The following ZDHHC23 variants were observed in gnomAD, a reference collection of about 807,000 sequenced individuals.
ZDHHC23 encodes the protein palmitoyltransferase ZDHHC23.
Under a neutral mutation model 40.2 loss-of-function variants are expected in ZDHHC23, and 41 were observed. The ratio of observed to expected loss-of-function variants is 1.02; its 90% CI spans 0.79 to 1.32. ZDHHC23 has a LOEUF of 1.32. ZDHHC23 is among the 40% of genes most tolerant of loss of function. The probability of loss-of-function intolerance (pLI) is 0.00; values close to 1 mark genes in which losing one functional copy is unlikely to be tolerated. For missense variants in ZDHHC23, 471 were observed against 541.5 expected (o/e 0.87, Z 1.29); for synonymous variants, 204 against 210.2 (o/e 0.97, Z 0.26).
intron 4 of ZDHHC23, among the ~76,000 whole-genome samples, 176 bp from the exon 5 acceptor site, chr3:113,958,187 C>T (rs982791752): frequency 6.6e-6 from 1 of 152,182 alleles, no homozygotes; most frequent in Non-Finnish European, 1.5e-5. Flanking sequence ...AATAAACACA[C>T]ACATTCTCCT....
rs1206132602 is a variant in ZDHHC23 at position 113,948,954 on chromosome 3, G to A, written c.152G>A (p.Gly51Glu). ...TGTGATTGTCAAGATCTGGATGAAG[G>A]GTGTGATCGGTAAGAACAGAGCATT... ...CLCDCQDLDEGCDRWITCKSL... is the reference protein window; with the variant it reads ...CLCDCQDLDEECDRWITCKSL... The change falls in exon 2 of 5, where the codon GGG (glycine) becomes GAG (glutamate). Residue 51 changes from glycine to glutamate, a missense_variant. By Grantham distance (98) the Gly-to-Glu change is moderately conservative. Transcript: ENST00000638807. The A allele has an allele frequency of 1.2e-6, 2 of 1,614,136 alleles. No individual in the cohort carries two copies. The highest frequency in any genetic ancestry group is 1.7e-6 in the Non-Finnish European group (2 of 1,180,022).
In ZDHHC23 at chr3:113,955,359, C is replaced by CGTGTGT. The variant is rs68123933; in HGVS notation, c.873-952_873-947dup. On this transcript the variant is annotated intron_variant, in intron 3 of 4. Coordinates refer to ENST00000638807, the MANE Select transcript of ZDHHC23 (RefSeq NM_001320466.2). ...TTCTACTTCTGTGTCTTCACTTATT[C>CGTGTGT]GTGTGTGTGTGTGTGTGTGTGTGTG... Among the ~76,000 whole-genome samples the CGTGTGT allele has an allele frequency of 2.8e-3, 412 of 147,504 alleles. 1 individual carries two copies. The highest frequency in any genetic ancestry group is 5.2e-3 in the Non-Finnish European group (345 of 66,562).
At position 113,954,503 on chromosome 3, in the gene ZDHHC23, C is replaced by G. The variant is rs866964298; in HGVS notation, c.872+93C>G. ...TCCCTTGTGCTATCCCAAAATTTCTCTCCTTCCCAGCTTTACACCTTGTAG... is the reference window on the plus strand; with the variant it reads ...TCCCTTGTGCTATCCCAAAATTTCTGTCCTTCCCAGCTTTACACCTTGTAG... On this transcript the variant is annotated intron_variant, in intron 3 of 4. Transcript: ENST00000638807. 9.9e-6 allele frequency: 12 copies of G among 1,214,442 alleles called. No individual in the cohort carries two copies. In the African/African-American group the frequency reaches 1.8e-4, roughly 19 times the overall value. 75.2% of individuals were successfully genotyped at this position (1,214,442 alleles called of 1,614,324 possible). A position where few individuals can be genotyped will look rare whatever the true frequency, so the allele number is the denominator to read the frequency against.
downstream of ZDHHC23, among the ~76,000 whole-genome samples, chr3:113,963,949 A>T (rs79232379): frequency 3.4e-3 from 388 of 114,750 alleles, 1 homozygote; most frequent in African/African-American, 0.013. Flanking sequence ...TTTTTTTTTT[A>T]AATGACAACT....
chr3:113,970,836 C>A, the ZDHHC23 span, among the ~76,000 whole-genome samples: 16 of 151,846 alleles, frequency 1.1e-4, no homozygotes, highest in African/African-American at 3.4e-4. Flanking sequence ...TTTGTCCTTG[C>A]GATAGTTTGC....
chr3:113,970,251 G>A (rs1197154474), downstream of ZDHHC23, among the ~76,000 whole-genome samples: 2 of 151,994 alleles, frequency 1.3e-5, no homozygotes, highest in Non-Finnish European at 2.9e-5. Flanking sequence ...GTTTTTTTTG[G>A]TGGAGTCTTT....
chr3:113,965,681 C>G (rs1211133899), downstream of ZDHHC23, among the ~76,000 whole-genome samples: 1 of 152,164 alleles, frequency 6.6e-6, no homozygotes, highest in Non-Finnish European at 1.5e-5. Flanking sequence ...CCTCTGCCTC[C>G]TGGGTTCAAA....
In ZDHHC23 at chr3:113,958,776, T is replaced by G. The variant is rs747672571; in HGVS notation, c.*146T>G. The G allele has an allele frequency of 6.5e-7, 1 of 1,546,500 alleles. No individual in the cohort carries two copies. On this transcript the variant is annotated 3_prime_UTR_variant, in exon 5 of 5. Coordinates refer to ENST00000638807, the MANE Select transcript of ZDHHC23 (RefSeq NM_001320466.2). ...GTTTAGAGACTGGAGTGGGAAGAAGTTAATTTTTCTGACGCCACAACTTAA... is the reference window on the plus strand; with the variant it reads ...GTTTAGAGACTGGAGTGGGAAGAAGGTAATTTTTCTGACGCCACAACTTAA...
intron 4 of ZDHHC23, chr3:113,957,635 T>C: frequency 4.4e-6 from 2 of 459,486 alleles, no homozygotes; most frequent in Non-Finnish European, 8.7e-6. Context: ...TTGGATTTAA[T>C]AGTCTTTGAG....
rs1198329420 is a variant in ZDHHC23 at position 113,960,197 on chromosome 3, GCAGCCAGCACCGTC to G, written c.*1569_*1582del. On this transcript the variant is annotated 3_prime_UTR_variant, in exon 5 of 5. Transcript: ENST00000638807. ...GCTACTTCCTGCACTTCCACCCTCT[GCAGCCAGCACCGTC>G]CCTACTGTTGCCATTAATTGGAGCT... 8.1e-6 allele frequency: 8 copies of G among 991,228 alleles called. No homozygotes were observed. In the African/African-American group the frequency reaches 1.2e-4, roughly 15 times the overall value. 61.4% of individuals were successfully genotyped at this position (991,228 alleles called of 1,614,324 possible). A position where few individuals can be genotyped will look rare whatever the true frequency, so the allele number is the denominator to read the frequency against.
Position 113,953,943 on chromosome 3 carries a change from A to G in ZDHHC23, c.405A>G (p.Lys135=). 6.2e-7 allele frequency: 1 copy of G among 1,614,176 alleles called. No individual in the cohort carries two copies. Among genetic ancestry groups the G allele is most frequent in the Non-Finnish European group, 8.5e-7 (1 of 1,180,048 alleles). ...ACTACTACCTCACTCACAGAAGGAA[A>G]GAACAGACCCTGTTTTTCCTGAGCC... ...LWYYYLTHRR[K]EQTLFFLSLG... Residue 135 remains lysine, a synonymous_variant, in exon 3 of 5, where the codon AAA becomes AAG. Transcript: ENST00000638807.
Position 113,960,996 on chromosome 3 carries a change from C to G in ZDHHC23, c.*2366C>G. The G allele has an allele frequency of 2.3e-6, 1 of 427,754 alleles. No homozygotes were observed. The highest frequency in any genetic ancestry group is 6.6e-5 in the South Asian group (1 of 15,092). 26.5% of individuals were successfully genotyped at this position (427,754 alleles called of 1,614,324 possible). ...TCTTTGGTTTATAGGATTTTGGAGCCTTTTATGATCTGGAACTATTTGAGG... is the reference window on the plus strand; with the variant it reads ...TCTTTGGTTTATAGGATTTTGGAGCGTTTTATGATCTGGAACTATTTGAGG... On this transcript the variant is annotated 3_prime_UTR_variant, in exon 5 of 5. Transcript: ENST00000638807.
In ZDHHC23 at chr3:113,960,846, A is replaced by G; in HGVS notation, c.*2216A>G. The G allele has an allele frequency of 6.9e-7, 1 of 1,459,180 alleles. No individual in the cohort carries two copies. Among genetic ancestry groups the G allele is most frequent in the Middle Eastern group, 1.8e-4 (1 of 5,474 alleles). The allele number at this position is 1,459,180 out of a possible 1,614,324, so 90.4% of individuals were successfully genotyped here. ...TGAGAACCCATGATGGACAGTTGAC[A>G]GAATGCTTAAACCTGTCAAAAGATG... On this transcript the variant is annotated 3_prime_UTR_variant, in exon 5 of 5. Transcript: ENST00000638807.
chr3:113,973,810 C>T, the ZDHHC23 span, among the ~76,000 whole-genome samples: 26 of 151,878 alleles, frequency 1.7e-4, no homozygotes, highest in Non-Finnish European at 2.8e-4. Flanking sequence ...CTTTCCTATA[C>T]GTGGATATGT....
the ZDHHC23 span, among the ~76,000 whole-genome samples, chr3:113,976,588 T>C: frequency 6.7e-6 from 1 of 148,688 alleles, no homozygotes; most frequent in Non-Finnish European, 1.5e-5. Flanking sequence ...AAAGAAAACA[T>C]AGGCAGGCAA....
rs111958107 is a variant in ZDHHC23, at chr3:113,959,870, C to T, written c.*1240C>T. 1,355 of 996,360 alleles carry T rather than the reference C, an allele frequency of 1.4e-3. 7 individuals carry two copies. In the African/African-American group the frequency reaches 0.018, roughly 14 times the overall value. The allele number at this position is 996,360 out of a possible 1,614,324, so 61.7% of individuals were successfully genotyped here. ...GATTACTGTTCTTCCCTGGCTCTTCCGACAATAACAAGTTGTTTCTTTAAT... is the reference window on the plus strand; with the variant it reads ...GATTACTGTTCTTCCCTGGCTCTTCTGACAATAACAAGTTGTTTCTTTAAT... On this transcript the variant is annotated 3_prime_UTR_variant, in exon 5 of 5. Coordinates refer to ENST00000638807, the MANE Select transcript of ZDHHC23 (RefSeq NM_001320466.2).
chr3:113,966,082 C>T (rs982665247), downstream of ZDHHC23, among the ~76,000 whole-genome samples: 8 of 152,080 alleles, frequency 5.3e-5, no homozygotes, highest in Non-Finnish European at 8.8e-5. Flanking sequence ...CAACCCTCAA[C>T]GCAAAAATGA....
chr3:113,959,467 A>C lies in ZDHHC23; in HGVS notation c.*837A>C. 1.6e-6 allele frequency: 2 copies of C among 1,261,402 alleles called. No homozygotes were observed. Among genetic ancestry groups the C allele is most frequent in the Non-Finnish European group, 2.1e-6 (2 of 966,676 alleles). The allele number at this position is 1,261,402 out of a possible 1,614,324, so 78.1% of individuals were successfully genotyped here. A position where few individuals can be genotyped will look rare whatever the true frequency, so the allele number is the denominator to read the frequency against. On this transcript the variant is annotated 3_prime_UTR_variant, in exon 5 of 5. Transcript: ENST00000638807. ...TTTATAAATTCTGCTTGGGTTTCTT[A>C]TAAATAACTCCAACAGGCATTCATG...
chr3:113,960,103 C>G lies in ZDHHC23; in HGVS notation c.*1473C>G. On this transcript the variant is annotated 3_prime_UTR_variant, in exon 5 of 5. Coordinates refer to ENST00000638807, the MANE Select transcript of ZDHHC23 (RefSeq NM_001320466.2). ...ATAGCTTAATATAGGGAAAATATTG[C>G]CAGCGTTTTCAGTCATTCTGTGCAT... is the stretch of plus-strand genomic sequence containing the variant. 3.0e-6 allele frequency: 3 copies of G among 988,942 alleles called. No individual in the cohort carries two copies. The highest frequency in any genetic ancestry group is 3.6e-6 in the Non-Finnish European group (3 of 832,010). 61.3% of individuals were successfully genotyped at this position (988,942 alleles called of 1,614,324 possible). A position where few individuals can be genotyped will look rare whatever the true frequency, so the allele number is the denominator to read the frequency against.
Sources: allele counts gnomAD v4.1 joint callset (sites outside exome capture counted in the v4.1 genomes callset), GRCh38; gene constraint gnomAD v4.1.1; transcripts MANE v1.5; gene names NCBI Gene and HGNC (gene_info 2026-07-23, HGNC 2026-07-21).